Variants in CFH observed in about 807,000 individuals in gnomAD.
CFH encodes the protein complement factor H.
In CFH, 53 loss-of-function variants were observed where a neutral mutation model predicts 147.3. The ratio of observed to expected loss-of-function variants is 0.36; its 90% CI spans 0.29 to 0.45. CFH has a LOEUF of 0.45. Ranked by LOEUF, CFH falls within the 20% of genes least tolerant of loss-of-function variation. CFH has a pLI of 1.00. For missense variants in CFH, 1,380 were observed against 1,498.0 expected, an observed-to-expected ratio of 0.92 and a Z score of 1.30; for synonymous variants, 536 against 489.4, an observed-to-expected ratio of 1.10 and a Z score of -1.26.
intron 15 of CFH, 49 bp from the exon 16 acceptor site, chr1:196,736,775 A>AT: frequency 2.1e-6 from 2 of 944,974 alleles, no homozygotes; most frequent in Non-Finnish European, 2.8e-6. Context: ...TAATATTTTT[A>AT]TTTTTTATTT....
At chr1:196,742,702 A>T (rs1175169952) in intron 19 of CFH, among the ~76,000 whole-genome samples, 1 of 152,128 alleles carries the variant, frequency 6.6e-6, no homozygotes, top group East Asian at 1.9e-4. Flanking sequence ...AAACCCTGAA[A>T]CTGTTTTACC....
At chr1:196,682,860 T>C (rs1308050685) in intron 6 of CFH, among the ~76,000 whole-genome samples, 1 of 151,632 alleles carries the variant, frequency 6.6e-6, no homozygotes, top group African/African-American at 2.4e-5. Context: ...CTGTTAGCTA[T>C]AGAGATATAT....
intron 9 of CFH, among the ~76,000 whole-genome samples, chr1:196,699,106 A>T (rs996780007): frequency 3.3e-5 from 5 of 152,136 alleles, no homozygotes; most frequent in Non-Finnish European, 7.4e-5. Flanking sequence ...CATACTAAAT[A>T]TGTGTTCATT....
At chr1:196,656,907 C>A (rs1241940401) in intron 1 of CFH, among the ~76,000 whole-genome samples, 2 of 152,108 alleles carry the variant, frequency 1.3e-5, no homozygotes, top group African/African-American at 4.8e-5. Context: ...TGACTATCGT[C>A]TATTCTCCTA....
At chr1:196,668,957 A>G (rs996404338) in intron 1 of CFH, among the ~76,000 whole-genome samples, 1 of 152,174 alleles carries the variant, frequency 6.6e-6, no homozygotes, top group Non-Finnish European at 1.5e-5. Context: ...GTCTCAAAAG[A>G]AGACAGGAAG....
At chr1:196,742,644 A>T (rs556557700) in intron 19 of CFH, among the ~76,000 whole-genome samples, 1 of 152,262 alleles carries the variant, frequency 6.6e-6, no homozygotes, top group African/African-American at 2.4e-5. Context: ...ATGAAAATAA[A>T]ATTCCGTAAG....
rs1200921938 is a variant in CFH at position 196,726,558 on chromosome 1, G to T, written c.1962G>T (p.Val654=). ...KTKEEYGHSE[V]VEYYCNPRFL... ...AAGAAGAATATGGACACAGTGAAGT[G>T]GTGGAATATTATTGCAATCCTAGAT... is the stretch of plus-strand genomic sequence containing the variant. The change falls in exon 13 of 22, where the codon GTG becomes GTT. Residue 654 remains valine, a synonymous_variant. Coordinates refer to ENST00000367429, the MANE Select transcript of CFH (RefSeq NM_000186.4). 1.2e-6 allele frequency: 2 copies of T among 1,612,622 alleles called. No homozygotes were observed. The highest frequency in any genetic ancestry group is 2.2e-5 in the South Asian group (2 of 91,046).
Position 196,689,561 on chromosome 1 carries a change from G to T in CFH, c.1106G>T (p.Trp369Leu). Reference protein sequence around the residue: ...EHFETPSGSYWDHIHCTQDGW... With the variant: ...EHFETPSGSYLDHIHCTQDGW... ...TTTGAGACTCCGTCAGGAAGTTACT[G>T]GGATCACATTCATTGCACACAAGAT... is the stretch of plus-strand genomic sequence containing the variant. The change falls in exon 8 of 22, where the codon TGG (tryptophan) becomes TTG (leucine). Residue 369 changes from tryptophan to leucine, a missense_variant. By Grantham distance (61) the Trp-to-Leu change is moderately conservative. This residue lies in a region of CFH where 167 missense variants were observed against 228.0 expected (regional missense o/e 0.73). Transcript: ENST00000367429. The T allele has an allele frequency of 6.2e-7, 1 of 1,613,512 alleles. No individual in the cohort carries two copies. Among genetic ancestry groups the T allele is most frequent in the Non-Finnish European group, 8.5e-7 (1 of 1,179,672 alleles).
At chr1:196,674,025 A>G (rs770089687) in intron 3 of CFH, 63 bp downstream of exon 3, 15 of 1,115,456 alleles carry the variant, frequency 1.3e-5, no homozygotes, top group Non-Finnish European at 2.0e-5. Flanking sequence ...CTACTACTTT[A>G]TATATTTTTA....
chr1:196,708,839 A>G (rs1236891814), intron 9 of CFH, among the ~76,000 whole-genome samples: 4 of 152,176 alleles, frequency 2.6e-5, no homozygotes, highest in Non-Finnish European at 5.9e-5. Context: ...ACTGCCAGGC[A>G]TATATCAATA....
At chr1:196,706,322 T>A (rs1668587543) in intron 9 of CFH, among the ~76,000 whole-genome samples, 1 of 152,082 alleles carries the variant, frequency 6.6e-6, no homozygotes, top group Non-Finnish European at 1.5e-5. Context: ...AATCTTAGCC[T>A]GACTAAAGGC....
chr1:196,669,162 T>C (rs967666798), intron 1 of CFH, among the ~76,000 whole-genome samples: 1 of 152,160 alleles, frequency 6.6e-6, no homozygotes, highest in African/African-American at 2.4e-5. Context: ...TCCCTAGAGA[T>C]CTGTGGAACT....
intron 6 of CFH, among the ~76,000 whole-genome samples, chr1:196,683,141 G>T (rs1667711629): frequency 6.6e-6 from 1 of 150,834 alleles, no homozygotes; most frequent in Non-Finnish European, 1.5e-5. Context: ...TAAAGTAAAG[G>T]AAAATAATAA....
Position 196,673,962 on chromosome 1 carries a change from G to A in CFH, c.350G>A (p.Gly117Glu). ...AAAGCTGTGTATACATGTAATGAGGGGTATGTAGTCCATACGAAAAGAGGT... is the reference window on the plus strand; with the variant it reads ...AAAGCTGTGTATACATGTAATGAGGAGTATGTAGTCCATACGAAAAGAGGT... The part of the protein sequence containing the change: ...GVKAVYTCNE[G>E]YQLLGEINYR... The change falls in exon 3 of 22, where the codon GGG (glycine) becomes GAG (glutamate). Residue 117 changes from glycine (G) to glutamate (E), a missense_variant and splice_region_variant. By Grantham distance (98) the Gly-to-Glu change is moderately conservative. Transcript: ENST00000367429. 1.3e-6 allele frequency: 2 copies of A among 1,587,828 alleles called. No homozygotes were observed. The highest frequency in any genetic ancestry group is 1.7e-6 in the Non-Finnish European group (2 of 1,156,720).
At chr1:196,692,039 TAC>T (rs1246409850) in intron 9 of CFH, among the ~76,000 whole-genome samples, 2 of 151,972 alleles carry the variant, frequency 1.3e-5, no homozygotes, top group African/African-American at 2.4e-5. Context: ...TGTGTGTGTA[TAC>T]ACACACACAA....
Position 196,700,815 on chromosome 1 carries a change from T to C in CFH, c.1336+10576T>C, listed in dbSNP as rs181712913. 546 of 985,404 alleles carry C rather than the reference T, an allele frequency of 5.5e-4. 1 individual carries two copies. Among genetic ancestry groups the C allele is most frequent in the Middle Eastern group, 2.6e-3 (5 of 1,914 alleles). 61.0% of individuals were successfully genotyped at this position (985,404 alleles called of 1,614,324 possible). On this transcript the variant is annotated intron_variant, in intron 9 of 21. Transcript: ENST00000367429. ...ACTAAGGGCCTTAGCTGGGGCCTTC[T>C]GTGTTGGCAGGGCAGTGCTGACTTT... is the stretch of plus-strand genomic sequence containing the variant.
In CFH at chr1:196,652,553, A is replaced by G. The variant is rs1028036632; in HGVS notation, c.58+378A>G. Among the ~76,000 whole-genome samples, 33 of 151,870 alleles carry G rather than the reference A, an allele frequency of 2.2e-4. 1 individual carries two copies. Among genetic ancestry groups the G allele is most frequent in the African/African-American group, 7.2e-5 (3 of 41,430 alleles). ...AAGGATGTGAATATACATAGTCAAT[A>G]AAAGCCATCAAATCATAATGATTAG... On this transcript the variant is annotated intron_variant, in intron 1 of 21. Transcript: ENST00000367429.
At chr1:196,670,856 C>G (rs1158933911) in intron 1 of CFH, among the ~76,000 whole-genome samples, 4 of 152,164 alleles carry the variant, frequency 2.6e-5, no homozygotes, top group Non-Finnish European at 4.4e-5. Context: ...ATTTTGGAAA[C>G]CTTTGAGCTA....
intron 9 of CFH, chr1:196,701,490 A>G: frequency 8.8e-7 from 1 of 1,135,018 alleles, no homozygotes; most frequent in Non-Finnish European, 1.3e-6. Flanking sequence ...CAGAATGGGA[A>G]ATGCTAATTC....
Sources: gnomAD v4.1 joint callset for allele counts (sites outside exome capture counted in the v4.1 genomes callset) on GRCh38, gnomAD v4.1.1 for gene constraint, gnomAD v4.1.1 regional missense constraint, MANE v1.5 for transcripts, NCBI Gene and HGNC (gene_info 2026-07-23, HGNC 2026-07-21) for gene names.